RBFOX1: variants seen among roughly 807,000 people sequenced by gnomAD.
The protein encoded by RBFOX1 is RNA binding protein fox-1 homolog 1.
In RBFOX1, 8 loss-of-function variants were observed where a neutral mutation model predicts 57.7. The ratio of observed to expected loss-of-function variants is 0.14; its 90% CI spans 0.08 to 0.25. The LOEUF (loss-of-function observed/expected upper bound fraction) is 0.25. Ranked by LOEUF, RBFOX1 falls within the 10% of genes least tolerant of loss-of-function variation. The pLI is 1.00. For missense variants in RBFOX1, 611 were observed against 548.5 expected, an observed-to-expected ratio of 1.11 and a Z score of -1.14; for synonymous variants, 326 against 222.4, an observed-to-expected ratio of 1.47 and a Z score of -4.15.
At chr16:5,744,697 C>T (rs2052906260) in intron 3 of RBFOX1, among the ~76,000 whole-genome samples, 1 of 152,192 alleles carries the variant, frequency 6.6e-6, no homozygotes, top group African/African-American at 2.4e-5. Flanking sequence ...CCACCTGAAT[C>T]AGCCTTGGAA....
chr16:6,210,553 G>C (rs1270916643), intron 1 of RBFOX1, among the ~76,000 whole-genome samples: 1 of 151,572 alleles, frequency 6.6e-6, no homozygotes, highest in Non-Finnish European at 1.5e-5. Flanking sequence ...AATGTAGCGA[G>C]ACCCTGTCTC....
intron 3 of RBFOX1, among the ~76,000 whole-genome samples, chr16:5,760,025 T>G (rs1453751372): frequency 6.6e-6 from 1 of 150,592 alleles, no homozygotes; most frequent in Non-Finnish European, 1.5e-5. Context: ...AAAAAAAACC[T>G]TGTATTTGAG....
chr16:7,524,630 G>A (rs1466136791), intron 5 of RBFOX1, among the ~76,000 whole-genome samples: 2 of 152,202 alleles, frequency 1.3e-5, no homozygotes, highest in Admixed American at 6.5e-5. Context: ...CCTGATTGGA[G>A]AAGGAATGTG....
chr16:7,617,328 T>A (rs753955792), intron 10 of RBFOX1, among the ~76,000 whole-genome samples: 23 of 152,194 alleles, frequency 1.5e-4, no homozygotes, highest in Admixed American at 1.1e-3. Flanking sequence ...ACTAAGGACG[T>A]GGAAATTTAG....
At chr16:6,258,298 T>G (rs74005049) in intron 1 of RBFOX1, among the ~76,000 whole-genome samples, 1 of 152,098 alleles carries the variant, frequency 6.6e-6, no homozygotes, top group African/African-American at 2.4e-5. Context: ...TGATTATGCT[T>G]GAAGCTACAA....
intron 1 of RBFOX1, among the ~76,000 whole-genome samples, chr16:5,341,572 C>T (rs529687875): frequency 1.3e-5 from 2 of 152,290 alleles, no homozygotes; most frequent in African/African-American, 4.8e-5. Context: ...GGCCCAGCTT[C>T]ATGGACACAC....
chr16:7,411,785 T>C (rs8054384), intron 4 of RBFOX1, among the ~76,000 whole-genome samples: 137,122 of 152,050 alleles, frequency 0.9, 61,902 homozygotes, highest in South Asian at 0.95. Context: ...TGCCTGTAAT[T>C]CCAGCTACGT....
intron 3 of RBFOX1, among the ~76,000 whole-genome samples, chr16:6,719,385 T>G (rs1273522121): frequency 6.6e-6 from 1 of 151,996 alleles, no homozygotes; most frequent in Non-Finnish European, 1.5e-5. Context: ...AAATTTAAAA[T>G]AACTATTACT....
At chr16:7,472,183 T>C (rs1436274117) in intron 4 of RBFOX1, among the ~76,000 whole-genome samples, 2 of 152,232 alleles carry the variant, frequency 1.3e-5, no homozygotes, top group Non-Finnish European at 2.9e-5. Flanking sequence ...ATAGCTTCTC[T>C]TTTAAGAGAT....
At chr16:6,204,053 C>G (rs2097236348) in intron 1 of RBFOX1, among the ~76,000 whole-genome samples, 1 of 149,244 alleles carries the variant, frequency 6.7e-6, no homozygotes, top group Non-Finnish European at 1.5e-5. Context: ...TTTCTTTCTA[C>G]AGTTATTTCT....
chr16:6,093,796 T>G (rs2096209657), intron 1 of RBFOX1, among the ~76,000 whole-genome samples: 1 of 151,892 alleles, frequency 6.6e-6, no homozygotes, highest in Admixed American at 6.6e-5. Context: ...TCATTTTTTT[T>G]TTTGTAAAGA....
At chr16:7,316,810 G>A (rs924118513) in intron 4 of RBFOX1, among the ~76,000 whole-genome samples, 1 of 152,018 alleles carries the variant, frequency 6.6e-6, no homozygotes, top group Non-Finnish European at 1.5e-5. Context: ...AGTGCCTGTT[G>A]CTTGCCTAGG....
intron 1 of RBFOX1, among the ~76,000 whole-genome samples, chr16:6,287,260 A>G (rs943444085): frequency 2.0e-5 from 3 of 152,184 alleles, no homozygotes; most frequent in Admixed American, 6.5e-5. Context: ...ACTAATGACT[A>G]TTTAAAATGG....
At chr16:6,023,944 A>C (rs2095134907) in intron 1 of RBFOX1, among the ~76,000 whole-genome samples, 1 of 152,210 alleles carries the variant, frequency 6.6e-6, no homozygotes, top group Non-Finnish European at 1.5e-5. Flanking sequence ...CTTCAAAACA[A>C]GGGGATCTAG....
At chr16:6,460,979 T>A (rs1377632557) in intron 2 of RBFOX1, among the ~76,000 whole-genome samples, 1 of 152,078 alleles carries the variant, frequency 6.6e-6, no homozygotes, top group Non-Finnish European at 1.5e-5. Flanking sequence ...CTGGAAGCCA[T>A]TACCTTAGCA....
intron 2 of RBFOX1, among the ~76,000 whole-genome samples, chr16:6,431,698 A>G (rs919104784): frequency 2.6e-5 from 4 of 152,122 alleles, no homozygotes; most frequent in Admixed American, 2.0e-4. Flanking sequence ...GAAGCCAGCC[A>G]TCACAGGATT....
chr16:6,062,652 T>C (rs1596862381), intron 1 of RBFOX1, among the ~76,000 whole-genome samples: 1 of 148,916 alleles, frequency 6.7e-6, no homozygotes, highest in African/African-American at 2.4e-5. Flanking sequence ...TACATATCTA[T>C]ATGTATCTAT....
chr16:6,621,213 G>C (rs2098225299), intron 2 of RBFOX1, among the ~76,000 whole-genome samples: 1 of 152,186 alleles, frequency 6.6e-6, no homozygotes, highest in Admixed American at 6.5e-5. Flanking sequence ...TGTATTCCCA[G>C]CACATTGGGA....
intron 1 of RBFOX1, among the ~76,000 whole-genome samples, chr16:6,207,864 A>C (rs1314406126): frequency 6.6e-6 from 1 of 152,014 alleles, no homozygotes; most frequent in East Asian, 1.9e-4. Context: ...ATTAAAAAAA[A>C]ATTTTTTTCA....
Sources: gnomAD v4.1 joint callset for allele counts (sites outside exome capture counted in the v4.1 genomes callset) on GRCh38, gnomAD v4.1.1 for gene constraint, MANE v1.5 for transcripts, NCBI Gene and HGNC (gene_info 2026-07-23, HGNC 2026-07-21) for gene names.